DGKB: variants seen among roughly 807,000 people sequenced by gnomAD.
DGKB encodes diacylglycerol kinase beta.
DGKB carries 67 observed loss-of-function variants against 114.3 expected under a neutral mutation model. That is an observed-to-expected ratio of 0.59 (90% CI 0.48 to 0.72). The LOEUF (loss-of-function observed/expected upper bound fraction) is 0.72, where lower values mean the gene tolerates loss of function less well. DGKB is among the 30% of genes least tolerant of loss of function. DGKB has a pLI of 0.00. For missense variants in DGKB, 907 were observed against 975.2 expected, an observed-to-expected ratio of 0.93 and a Z score of 0.93; for synonymous variants, 398 against 323.1, an observed-to-expected ratio of 1.23 and a Z score of -2.49.
Position 14,802,551 on chromosome 7 carries a change from T to C in DGKB, c.70+38643A>G, listed in dbSNP as rs188187741. Reference sequence around the variant, plus strand: ...TGTTAACATTCTTGATATAATTCAATTTATAAACCAATGCTGAATTGAAGT... The same window carrying C: ...TGTTAACATTCTTGATATAATTCAACTTATAAACCAATGCTGAATTGAAGT... On this transcript the variant is annotated intron_variant, in intron 2 of 25. Transcript: ENST00000402815. 2.5e-3 allele frequency among the ~76,000 whole-genome samples: 377 copies of C among 152,308 alleles called. 1 individual carries two copies. Among genetic ancestry groups the C allele is most frequent in the African/African-American group, 8.7e-3 (362 of 41,590 alleles).
At chr7:14,663,245 C>T (rs987625628) in intron 13 of DGKB, among the ~76,000 whole-genome samples, 4 of 151,944 alleles carry the variant, frequency 2.6e-5, no homozygotes, top group African/African-American at 4.8e-5. Context: ...TTGTATCATT[C>T]TCTTCAGTGT....
At chr7:14,250,066 T>C (rs997989121) in intron 23 of DGKB, among the ~76,000 whole-genome samples, 4 of 151,736 alleles carry the variant, frequency 2.6e-5, no homozygotes, top group Non-Finnish European at 5.9e-5. Flanking sequence ...TGGATCCTCC[T>C]GCCTCAGCCT....
chr7:14,190,700 G>A (rs758163834), intron 23 of DGKB: 16 of 152,180 alleles, frequency 1.1e-4, no homozygotes, highest in African/African-American at 2.4e-4. Flanking sequence ...TAAAATCAAG[G>A]ATGAAGTAGG....
chr7:14,855,170 C>T (rs1321520956), intron 1 of DGKB, among the ~76,000 whole-genome samples: 1 of 152,146 alleles, frequency 6.6e-6, no homozygotes, highest in East Asian at 1.9e-4. Flanking sequence ...TGGTGAACAG[C>T]AGCAGCTGTT....
chr7:14,245,028 G>A (rs1240179334), intron 23 of DGKB, among the ~76,000 whole-genome samples: 1 of 152,046 alleles, frequency 6.6e-6, no homozygotes, highest in Non-Finnish European at 1.5e-5. Flanking sequence ...CACATATGCG[G>A]GAGAGTCATG....
rs1374797642 is a variant in DGKB, at chr7:14,253,131, T to A, written c.2123-74980A>T. On this transcript the variant is annotated intron_variant, in intron 23 of 25. Transcript: ENST00000402815. The stretch of plus-strand genomic sequence containing the variant: ...CTCACTGCAACCTCCGCCTCCCGGG[T>A]TCAAGCGATTCTCCTGTCTCAGCCT... Among the ~76,000 whole-genome samples the A allele has an allele frequency of 1.2e-4, 18 of 151,400 alleles. No homozygotes were observed. In the East Asian group the frequency reaches 3.5e-3, roughly 29 times the overall value.
At chr7:14,883,554 T>A (rs985774078) in intron 1 of DGKB, among the ~76,000 whole-genome samples, 1 of 151,942 alleles carries the variant, frequency 6.6e-6, no homozygotes, top group African/African-American at 2.4e-5. Context: ...ATAGAGATGA[T>A]AGAGTTAGTT....
At chr7:14,336,468 C>T (rs1292308946) in intron 23 of DGKB, among the ~76,000 whole-genome samples, 1 of 152,136 alleles carries the variant, frequency 6.6e-6, no homozygotes, top group Non-Finnish European at 1.5e-5. Context: ...TGAAACCTCT[C>T]TGAGCTCTGC....
At chr7:14,365,674 T>C (rs1270148140) in intron 21 of DGKB, among the ~76,000 whole-genome samples, 1 of 152,116 alleles carries the variant, frequency 6.6e-6, no homozygotes, top group Non-Finnish European at 1.5e-5. Flanking sequence ...CTAAGTTCTA[T>C]ACCATGCCAC....
At chr7:14,583,384 A>C (rs971010737) in intron 17 of DGKB, among the ~76,000 whole-genome samples, 6 of 152,068 alleles carry the variant, frequency 3.9e-5, no homozygotes, top group Non-Finnish European at 8.8e-5. Context: ...TTTCTTTAAT[A>C]AACTCTAAAA....
chr7:14,855,422 AG>A (rs1849997879), intron 1 of DGKB, among the ~76,000 whole-genome samples: 1 of 152,204 alleles, frequency 6.6e-6, no homozygotes, highest in Admixed American at 6.5e-5. Flanking sequence ...AGGACATACT[AG>A]AAAAAAGATC....
intron 21 of DGKB, among the ~76,000 whole-genome samples, chr7:14,474,845 T>A (rs898265636): frequency 6.6e-6 from 1 of 151,796 alleles, no homozygotes; most frequent in Non-Finnish European, 1.5e-5. Context: ...TTTTCTTGAG[T>A]CTAAAGGACT....
intron 2 of DGKB, among the ~76,000 whole-genome samples, chr7:14,782,609 C>A (rs1839287770): frequency 6.6e-6 from 1 of 151,864 alleles, no homozygotes; most frequent in Admixed American, 6.6e-5. Flanking sequence ...AATATTACAC[C>A]AATAATGATA....
At chr7:14,316,212 C>T (rs1318528797) in intron 23 of DGKB, among the ~76,000 whole-genome samples, 1 of 151,774 alleles carries the variant, frequency 6.6e-6, no homozygotes, top group Non-Finnish European at 1.5e-5. Flanking sequence ...CCTAACATCA[C>T]AATTAAAAGA....
At chr7:14,430,250 G>A (rs1583881026) in intron 21 of DGKB, among the ~76,000 whole-genome samples, 1 of 151,980 alleles carries the variant, frequency 6.6e-6, no homozygotes, top group Non-Finnish European at 1.5e-5. Flanking sequence ...GCTATGAGAT[G>A]GTCTTTTAAA....
At chr7:14,245,537 G>A (rs1450032857) in intron 23 of DGKB, among the ~76,000 whole-genome samples, 1 of 152,120 alleles carries the variant, frequency 6.6e-6, no homozygotes, top group Non-Finnish European at 1.5e-5. Context: ...GGGTTCCTTG[G>A]CAAGACTAAT....
chr7:14,880,566 A>C (rs1343947665), intron 1 of DGKB, among the ~76,000 whole-genome samples: 3 of 152,216 alleles, frequency 2.0e-5, no homozygotes, highest in Non-Finnish European at 4.4e-5. Flanking sequence ...TTGAATTGCA[A>C]GGAACTTACA....
At chr7:14,539,510 G>C (rs1295811845) in intron 20 of DGKB, among the ~76,000 whole-genome samples, 1 of 152,106 alleles carries the variant, frequency 6.6e-6, no homozygotes, top group African/African-American at 2.4e-5. Flanking sequence ...TTCACCCCTA[G>C]AATGGGTTAA....
At chr7:14,862,660 C>A (rs1393336619) in intron 1 of DGKB, among the ~76,000 whole-genome samples, 1 of 152,006 alleles carries the variant, frequency 6.6e-6, no homozygotes, top group African/African-American at 2.4e-5. Context: ...TACTCTGTTG[C>A]CTCCCTTATA....
Sources: allele counts gnomAD v4.1 joint callset (sites outside exome capture counted in the v4.1 genomes callset), GRCh38; gene constraint gnomAD v4.1.1; transcripts MANE v1.5; gene names NCBI Gene and HGNC (gene_info 2026-07-23, HGNC 2026-07-21).